Variants in UBE3D observed in about 807,000 individuals in gnomAD.
UBE3D encodes the protein E3 ubiquitin-protein ligase E3D.
In UBE3D, 48 loss-of-function variants were observed where a neutral mutation model predicts 49.6. That is an observed-to-expected ratio of 0.97 (90% confidence interval 0.77 to 1.23). UBE3D has a LOEUF of 1.23. Among genes scored for constraint, UBE3D ranks in the 50% most tolerant of loss-of-function variants. The pLI is 0.00. For synonymous variants in UBE3D, 189 were observed against 174.2 expected (o/e 1.08, Z -0.67); for missense variants, 452 against 468.4 (o/e 0.96, Z 0.32).
intron 9 of UBE3D, among the ~76,000 whole-genome samples, chr6:82,927,754 G>GTT (rs34047163): frequency 6.9e-6 from 1 of 145,394 alleles, no homozygotes; most frequent in Admixed American, 6.8e-5. Context: ...GTTTGGGAGG[G>GTT]TTTTTTTTTT....
chr6:82,931,322 G>A (rs1181214931), intron 9 of UBE3D, among the ~76,000 whole-genome samples: 7 of 152,224 alleles, frequency 4.6e-5, no homozygotes, highest in Non-Finnish European at 8.8e-5. Context: ...ATGTGGGGTC[G>A]GAGCCCCGAC....
chr6:82,894,413 A>G (rs1472804963), intron 9 of UBE3D, among the ~76,000 whole-genome samples: 4 of 152,158 alleles, frequency 2.6e-5, no homozygotes, highest in African/African-American at 9.7e-5. Context: ...TCATAGGAAC[A>G]TCTTATCAAT....
At chr6:83,060,042 A>G (rs1289588153) in intron 1 of UBE3D, among the ~76,000 whole-genome samples, 1 of 152,152 alleles carries the variant, frequency 6.6e-6, no homozygotes, top group Non-Finnish European at 1.5e-5. Flanking sequence ...CTCTTCATAT[A>G]AGGACACTAA....
chr6:82,893,938 T>A (rs1771121281), intron 9 of UBE3D: 1 of 152,220 alleles, frequency 6.6e-6, no homozygotes, highest in South Asian at 2.1e-4. Context: ...ATCTGCTTTA[T>A]GCTGAGTAAT....
intron 3 of UBE3D, among the ~76,000 whole-genome samples, chr6:83,052,466 G>A (rs746356225): frequency 2.3e-4 from 35 of 152,140 alleles, no homozygotes; most frequent in African/African-American, 6.8e-4. Context: ...TACCTGTCCC[G>A]TCAGCTGAAT....
intron 5 of UBE3D, among the ~76,000 whole-genome samples, chr6:83,032,969 T>C (rs1189650120): frequency 6.6e-6 from 1 of 152,166 alleles, no homozygotes; most frequent in Non-Finnish European, 1.5e-5. Context: ...CTTTATAATT[T>C]CCCAGTCTTG....
intron 8 of UBE3D, among the ~76,000 whole-genome samples, chr6:82,972,969 T>C (rs989127051): frequency 1.1e-4 from 16 of 152,164 alleles, no homozygotes; most frequent in Non-Finnish European, 1.0e-4. Context: ...TGCTATAAAA[T>C]TATTTTAAAA....
At chr6:82,970,063 A>T (rs1777236093) in intron 8 of UBE3D, among the ~76,000 whole-genome samples, 1 of 148,458 alleles carries the variant, frequency 6.7e-6, no homozygotes, top group African/African-American at 2.4e-5. Context: ...ATAATAGAAC[A>T]TGATATACTA....
chr6:82,955,170 T>C (rs1441682549), intron 9 of UBE3D, among the ~76,000 whole-genome samples: 1 of 152,162 alleles, frequency 6.6e-6, no homozygotes, highest in East Asian at 1.9e-4. Context: ...ATGACATCCT[T>C]AAAGGGGGCA....
chr6:83,037,591 A>C (rs1467819391), intron 5 of UBE3D: 1 of 152,024 alleles, frequency 6.6e-6, no homozygotes, highest in Non-Finnish European at 1.5e-5. Context: ...ACGATTAAAC[A>C]AACAAATAAA....
chr6:82,950,195 T>C (rs543754441), intron 9 of UBE3D, among the ~76,000 whole-genome samples: 22 of 152,220 alleles, frequency 1.4e-4, no homozygotes, highest in African/African-American at 5.3e-4. Flanking sequence ...GATTAAAAAA[T>C]GGGCAAAAGA....
chr6:83,064,110 A>C (rs979921613), intron 1 of UBE3D, among the ~76,000 whole-genome samples: 3 of 152,260 alleles, frequency 2.0e-5, no homozygotes, highest in Admixed American at 1.3e-4. Flanking sequence ...TCTGAAAAAT[A>C]TTATGGAAGG....
At chr6:83,045,985 G>C (rs1024276021) in intron 3 of UBE3D, among the ~76,000 whole-genome samples, 1 of 152,102 alleles carries the variant, frequency 6.6e-6, no homozygotes, top group African/African-American at 2.4e-5. Context: ...ATCTGAGTTA[G>C]TCTAATATTG....
At chr6:82,974,769 A>G (rs1322346688) in intron 8 of UBE3D, among the ~76,000 whole-genome samples, 2 of 104,822 alleles carry the variant, frequency 1.9e-5, no homozygotes, top group Non-Finnish European at 4.0e-5. Flanking sequence ...GAATTTACCA[A>G]TGTTAAAAGA....
At chr6:82,939,184 G>C (rs576010831) in intron 9 of UBE3D, among the ~76,000 whole-genome samples, 2 of 152,304 alleles carry the variant, frequency 1.3e-5, no homozygotes, top group African/African-American at 4.8e-5. Context: ...GGTAAGAGAA[G>C]GTGAGTGCTC....
Position 83,051,751 on chromosome 6 carries a change from C to A in UBE3D, c.365+2397G>T, listed in dbSNP as rs182382547. 1.1e-3 allele frequency among the ~76,000 whole-genome samples: 160 copies of A among 152,302 alleles called. 2 individuals carry two copies. Among genetic ancestry groups the A allele is most frequent in the Non-Finnish European group, 3.7e-4 (25 of 68,020 alleles). On this transcript the variant is annotated intron_variant, in intron 3 of 9. Coordinates refer to ENST00000369747, the MANE Select transcript of UBE3D (RefSeq NM_198920.3). ...AACTTCAACCCTTAGGTAATTCAAG[C>A]AAAGATGAGGTTCCCTCCTCTGCAA...
chr6:82,996,855 A>G (rs1246992174), intron 8 of UBE3D, among the ~76,000 whole-genome samples: 1 of 152,236 alleles, frequency 6.6e-6, no homozygotes, highest in East Asian at 1.9e-4. Context: ...TGACAAATTA[A>G]TGCAATGTGG....
At chr6:83,050,147 G>A (rs1394120603) in intron 3 of UBE3D, among the ~76,000 whole-genome samples, 2 of 151,666 alleles carry the variant, frequency 1.3e-5, no homozygotes, top group African/African-American at 2.4e-5. Flanking sequence ...GATATCATGT[G>A]TCCTGGTGCT....
chr6:82,911,219 A>AAAC lies in UBE3D; in HGVS notation c.1150-18178_1150-18177insGTT, dbSNP rs1554183180. On this transcript the variant is annotated intron_variant, in intron 9 of 9. Coordinates refer to ENST00000369747, the MANE Select transcript of UBE3D (RefSeq NM_198920.3). ...GGCAAAAAAAAAAAAAAAAAAAAAAAAAAACTCAGGGGGGACATGAATAGA... is the reference window on the plus strand; with the variant it reads ...GGCAAAAAAAAAAAAAAAAAAAAAAAAACAAAACTCAGGGGGGACATGAATAGA... Among the ~76,000 whole-genome samples, 371 of 149,768 alleles carry AAAC rather than the reference A, an allele frequency of 2.5e-3. 8 individuals carry two copies. The highest frequency in any genetic ancestry group is 9.0e-3 in the African/African-American group (357 of 39,818).
Sources: allele counts gnomAD v4.1 joint callset (sites outside exome capture counted in the v4.1 genomes callset), GRCh38; gene constraint gnomAD v4.1.1; transcripts MANE v1.5; gene names NCBI Gene and HGNC (gene_info 2026-07-23, HGNC 2026-07-21).